The following OPCML variants were observed in gnomAD, a reference collection of about 807,000 sequenced individuals.
The protein encoded by OPCML is opioid-binding protein/cell adhesion molecule.
In OPCML, 13 loss-of-function variants were observed where a neutral mutation model predicts 37.8. The ratio of observed to expected loss-of-function variants is 0.34; its 90% CI spans 0.22 to 0.55. The LOEUF (loss-of-function observed/expected upper bound fraction) is 0.55, where lower values mean the gene tolerates loss of function less well. Ranked by LOEUF, OPCML falls within the 20% of genes least tolerant of loss-of-function variation. The pLI is 0.91. For synonymous variants in OPCML, 176 were observed against 168.8 expected (o/e 1.04, Z -0.33); for missense variants, 341 against 435.6 (o/e 0.78, Z 1.93).
chr11:132,723,422 G>A (rs1441248495), intron 2 of OPCML, among the ~76,000 whole-genome samples: 4 of 152,122 alleles, frequency 2.6e-5, no homozygotes, highest in South Asian at 4.1e-4. Flanking sequence ...AATATAGGTC[G>A]GTTAATCACT....
intron 2 of OPCML, among the ~76,000 whole-genome samples, chr11:132,813,746 A>T (rs993761506): frequency 3.9e-5 from 6 of 152,042 alleles, no homozygotes; most frequent in Non-Finnish European, 7.4e-5. Context: ...GCCAACCTTG[A>T]ACTACTTTAA....
chr11:133,250,628 G>T (rs1357514423), intron 1 of OPCML, among the ~76,000 whole-genome samples: 1 of 152,154 alleles, frequency 6.6e-6, no homozygotes, highest in Non-Finnish European at 1.5e-5. Flanking sequence ...AGTTTATTGT[G>T]ACAATGAGTG....
At chr11:133,056,065 G>A (rs545911740) in intron 1 of OPCML, among the ~76,000 whole-genome samples, 3 of 152,358 alleles carry the variant, frequency 2.0e-5, no homozygotes, top group African/African-American at 7.2e-5. Context: ...GTAAAAGAGA[G>A]AATATTTAAA....
chr11:132,934,891 G>A (rs1322269201), intron 2 of OPCML, among the ~76,000 whole-genome samples: 3 of 152,234 alleles, frequency 2.0e-5, no homozygotes, highest in East Asian at 3.9e-4. Flanking sequence ...TGTAATCCTA[G>A]CACTTTGGGA....
At chr11:132,951,778 G>A (rs1157807663) in intron 1 of OPCML, among the ~76,000 whole-genome samples, 2 of 152,126 alleles carry the variant, frequency 1.3e-5, no homozygotes, top group Non-Finnish European at 2.9e-5. Flanking sequence ...TTCTGTGTGT[G>A]TATATAATAA....
chr11:133,213,220 T>C (rs1178837673), intron 1 of OPCML, among the ~76,000 whole-genome samples: 2 of 114,976 alleles, frequency 1.7e-5, no homozygotes, highest in East Asian at 5.5e-4. Flanking sequence ...ATATTCATAA[T>C]GAGTTTTTTT....
intron 1 of OPCML, among the ~76,000 whole-genome samples, chr11:133,502,194 G>A (rs906901314): frequency 4.6e-5 from 7 of 152,166 alleles, no homozygotes; most frequent in African/African-American, 1.4e-4. Flanking sequence ...ACAGCTGACT[G>A]AGGAGCACCA....
intron 1 of OPCML, among the ~76,000 whole-genome samples, chr11:132,982,457 T>C (rs954087546): frequency 6.8e-6 from 1 of 147,174 alleles, no homozygotes; most frequent in African/African-American, 2.5e-5. Context: ...TCCTTCACAA[T>C]AGGAATTCGT....
intron 3 of OPCML, among the ~76,000 whole-genome samples, chr11:132,548,862 C>T (rs925941515): frequency 1.3e-5 from 2 of 152,138 alleles, no homozygotes; most frequent in East Asian, 1.9e-4. Context: ...CATGTAATGG[C>T]TAATGTAACT....
At chr11:133,009,661 A>G (rs536222281) in intron 1 of OPCML, among the ~76,000 whole-genome samples, 53 of 152,348 alleles carry the variant, frequency 3.5e-4, no homozygotes, top group African/African-American at 1.0e-3. Context: ...GCACCACCTC[A>G]GATCATCAGG....
At position 132,870,582 on chromosome 11, in the gene OPCML, C is replaced by T. The variant is rs543729721; in HGVS notation, c.146+72344G>A. 5.3e-5 allele frequency among the ~76,000 whole-genome samples: 8 copies of T among 152,120 alleles called. No individual in the cohort carries two copies. The East Asian group carries it at 9.7e-4, about 18-fold the overall frequency. On this transcript the variant is annotated intron_variant, in intron 2 of 7. Transcript: ENST00000524381. Reference sequence around the variant, plus strand: ...TCCAAAGAAAATGAAATCAGACTGTCGAAGAGATGTCTGCCCTCTCATGTT... The same window carrying T: ...TCCAAAGAAAATGAAATCAGACTGTTGAAGAGATGTCTGCCCTCTCATGTT...
intron 4 of OPCML, among the ~76,000 whole-genome samples, chr11:132,458,202 C>G (rs529536820): frequency 6.6e-6 from 1 of 152,168 alleles, no homozygotes; most frequent in Admixed American, 6.5e-5. Context: ...ATGGACACTA[C>G]ACAATCCATG....
chr11:132,971,868 C>A (rs1946350250), intron 1 of OPCML, among the ~76,000 whole-genome samples: 1 of 152,138 alleles, frequency 6.6e-6, no homozygotes, highest in Non-Finnish European at 1.5e-5. Flanking sequence ...CCCTACTGGC[C>A]CCAATCTAGC....
chr11:132,909,473 C>T (rs1472913799), intron 2 of OPCML, among the ~76,000 whole-genome samples: 1 of 152,200 alleles, frequency 6.6e-6, no homozygotes, highest in Non-Finnish European at 1.5e-5. Flanking sequence ...AAGATGGCAG[C>T]CCACCCCAAC....
intron 2 of OPCML, among the ~76,000 whole-genome samples, chr11:132,732,305 G>C (rs996566657): frequency 2.0e-5 from 3 of 152,192 alleles, no homozygotes; most frequent in Non-Finnish European, 2.9e-5. Context: ...ACACCTAAGT[G>C]GGGGATAAAT....
At chr11:132,871,137 T>C (rs1942779365) in intron 2 of OPCML, among the ~76,000 whole-genome samples, 1 of 151,968 alleles carries the variant, frequency 6.6e-6, no homozygotes, top group Non-Finnish European at 1.5e-5. Flanking sequence ...TGTATATGTA[T>C]ATATTCCAAA....
In OPCML at chr11:132,793,941, C is replaced by T. The variant is rs143776504; in HGVS notation, c.147-136622G>A. Reference sequence around the variant, plus strand: ...CTCCAGCTGCTGCTTCATTCCCTGCCGTGACCCCCATGCCCGTGGGGTAAA... The same window carrying T: ...CTCCAGCTGCTGCTTCATTCCCTGCTGTGACCCCCATGCCCGTGGGGTAAA... On this transcript the variant is annotated intron_variant, in intron 2 of 7. Coordinates refer to ENST00000524381, the MANE Select transcript of OPCML (RefSeq NM_001012393.5). Among the ~76,000 whole-genome samples the T allele has an allele frequency of 3.1e-4, 47 of 152,330 alleles. No individual in the cohort carries two copies. The East Asian group carries it at 8.5e-3, about 28-fold the overall frequency.
At chr11:132,791,107 G>T (rs957094422) in intron 2 of OPCML, among the ~76,000 whole-genome samples, 1 of 152,182 alleles carries the variant, frequency 6.6e-6, no homozygotes, top group African/African-American at 2.4e-5. Flanking sequence ...GGAGGACCAT[G>T]GGAGCCTGTG....
chr11:132,769,338 C>T (rs756217358), intron 2 of OPCML, among the ~76,000 whole-genome samples: 2 of 151,224 alleles, frequency 1.3e-5, no homozygotes, highest in Non-Finnish European at 2.9e-5. Context: ...TCCAGGTTCA[C>T]GCCATTCTCC....
Sources: gnomAD v4.1 joint callset for allele counts (sites outside exome capture counted in the v4.1 genomes callset) on GRCh38, gnomAD v4.1.1 for gene constraint, MANE v1.5 for transcripts, NCBI Gene and HGNC (gene_info 2026-07-23, HGNC 2026-07-21) for gene names.